Variants in RTKN observed in about 807,000 individuals in gnomAD.
The protein encoded by RTKN is rhotekin.
A neutral mutation model predicts 63.5 loss-of-function variants in RTKN; 49 were observed. The ratio of observed to expected loss-of-function variants is 0.77; its 90% CI spans 0.61 to 0.98. The LOEUF is 0.98. Among genes scored for constraint, RTKN ranks in the 50% least tolerant of loss-of-function variants. The pLI, the probability that RTKN is intolerant of heterozygous loss-of-function variation, is 0.00. For synonymous variants in RTKN, 295 were observed against 290.4 expected, an observed-to-expected ratio of 1.02 and a Z score of -0.16; for missense variants, 685 against 740.8, an observed-to-expected ratio of 0.92 and a Z score of 0.87.
intron 2 of RTKN, chr2:74,430,902 T>A (rs930060667): frequency 1.8e-6 from 1 of 568,810 alleles, no homozygotes; most frequent in African/African-American, 1.9e-5. Context: ...AACTCACACA[T>A]AAGGCACAAG....
chr2:74,427,630 G>T, intron 9 of RTKN, 38 bp from the exon 10 acceptor site: 1 of 1,593,764 alleles, frequency 6.3e-7, no homozygotes, highest in Non-Finnish European at 8.5e-7. Context: ...GGTCACAGAA[G>T]TTGGCAGTGA....
chr2:74,434,142 A>G (rs1408299569), intron 1 of RTKN, among the ~76,000 whole-genome samples: 1 of 151,392 alleles, frequency 6.6e-6, no homozygotes, highest in East Asian at 1.9e-4. Flanking sequence ...TCACTCTGTC[A>G]CCCAAGCTGG....
chr2:74,432,058 C>T (rs1214108469), intron 2 of RTKN: 3 of 323,096 alleles, frequency 9.3e-6, no homozygotes, highest in South Asian at 2.6e-5. Flanking sequence ...CACTCCCTGC[C>T]TCTGAAGGTG....
chr2:74,438,088 T>C (rs1572901331), intron 1 of RTKN, among the ~76,000 whole-genome samples: 1 of 152,050 alleles, frequency 6.6e-6, no homozygotes, highest in Admixed American at 6.6e-5. Context: ...ACATACAATA[T>C]CCTGCCATTC....
At position 74,436,161 on chromosome 2, in the gene RTKN, G is replaced by A. The variant is rs1166479871; in HGVS notation, c.112-3495C>T. Reference sequence around the variant, plus strand: ...GGAGGTGTCCTCAACCCCCATCTTGGCTAGTCTCATCCCAGTCCCAGCACT... The same window carrying A: ...GGAGGTGTCCTCAACCCCCATCTTGACTAGTCTCATCCCAGTCCCAGCACT... On this transcript the variant is annotated intron_variant, in intron 1 of 11. Coordinates refer to ENST00000272430, the MANE Select transcript of RTKN (RefSeq NM_001015055.2). This position sits in a 1 kb window ranked among gnomAD's most constrained non-coding sequence, Gnocchi z 4.3. Among the ~76,000 whole-genome samples the A allele has an allele frequency of 1.3e-5, 2 of 152,204 alleles. No individual in the cohort carries two copies. Among genetic ancestry groups the A allele is most frequent in the African/African-American group, 4.8e-5 (2 of 41,456 alleles).
Position 74,428,920 on chromosome 2 carries a change from C to T in RTKN, c.778G>A (p.Ala260Thr), listed in dbSNP as rs1670581754. 6.2e-7 allele frequency: 1 copy of T among 1,613,906 alleles called. No individual in the cohort carries two copies. The highest frequency in any genetic ancestry group is 1.1e-5 in the South Asian group (1 of 91,074). The change falls in exon 7 of 12, where the codon GCT becomes ACT. Residue 260 changes from alanine (A) to threonine (T), a missense_variant. Physicochemically the swap from Ala to Thr is moderately conservative, Grantham distance 58. Transcript: ENST00000272430. The stretch of plus-strand genomic sequence containing the variant: ...GCTGCCAGGGTGAGTGTGGTGTGAG[C>T]CAAGAGGTGGTAACGAGGACCACTG... ...VVGGPRYHLL[A>T]HTTLTLAAVQ...
chr2:74,439,871 A>C (rs749853675), intron 1 of RTKN: 4 of 1,338,266 alleles, frequency 3.0e-6, no homozygotes, highest in Non-Finnish European at 1.9e-6. Flanking sequence ...GGGAAGAAAA[A>C]GAAAGCGAAG....
chr2:74,428,821 A>C, intron 7 of RTKN, 27 bp downstream of exon 7: 2 of 1,602,902 alleles, frequency 1.2e-6, no homozygotes, highest in South Asian at 2.2e-5. Flanking sequence ...TCACATGTGT[A>C]TGTCCCCCAT....
Position 74,428,960 on chromosome 2 carries a change from G to A in RTKN, c.756-18C>T, listed in dbSNP as rs372785362. 3 of 1,603,516 alleles carry A rather than the reference G, an allele frequency of 1.9e-6. No individual in the cohort carries two copies. Among genetic ancestry groups the A allele is most frequent in the African/African-American group, 2.7e-5 (2 of 74,698 alleles). ...GAGGACCACTGAGGGAGATAGGAGAGAGCATCAGCCAAGGGAGGGGCATGT... is the reference window on the plus strand; with the variant it reads ...GAGGACCACTGAGGGAGATAGGAGAAAGCATCAGCCAAGGGAGGGGCATGT... On this transcript the variant is annotated intron_variant, in intron 6 of 11. Transcript: ENST00000272430.
At chr2:74,440,002 T>G in intron 1 of RTKN, 1 of 1,067,108 alleles carries the variant, frequency 9.4e-7, no homozygotes, top group Non-Finnish European at 1.1e-6. Flanking sequence ...GGCCCTTTCA[T>G]TCCGACTCTG....
Position 74,425,887 on chromosome 2 carries a change from G to A in RTKN, c.*356C>T. On this transcript the variant is annotated 3_prime_UTR_variant, in exon 12 of 12. Coordinates refer to ENST00000272430, the MANE Select transcript of RTKN (RefSeq NM_001015055.2). ...CCTCAGGAGCCAGGTGAAGGCTGCT[G>A]TTAAATAACTTTAATGGTTGATGTG... 1 of 953,134 alleles carries A rather than the reference G, an allele frequency of 1.0e-6. No individual in the cohort carries two copies. Among genetic ancestry groups the A allele is most frequent in the Non-Finnish European group, 1.5e-6 (1 of 653,536 alleles). The allele number at this position is 953,134 out of a possible 1,614,324, so 59.0% of individuals were successfully genotyped here.
At chr2:74,429,763 G>T in intron 6 of RTKN, 65 bp downstream of exon 6, 1 of 1,488,134 alleles carries the variant, frequency 6.7e-7, no homozygotes, top group Non-Finnish European at 9.3e-7. Context: ...ACTCAACACA[G>T]TTCAAAGGTC....
rs1670415384 is a variant in RTKN at position 74,426,691 on chromosome 2, T to G, written c.1361-117A>C. The G allele has an allele frequency of 3.5e-6, 5 of 1,423,314 alleles. No homozygotes were observed. In the East Asian group the frequency reaches 1.3e-4, roughly 37 times the overall value. 88.2% of individuals were successfully genotyped at this position (1,423,314 alleles called of 1,614,324 possible). On this transcript the variant is annotated intron_variant, in intron 11 of 11. Coordinates refer to ENST00000272430, the MANE Select transcript of RTKN (RefSeq NM_001015055.2). ...GAGGAAAGCAAAGCCTGGATCTCAG[T>G]GGAGATTGCGTTATCCTGCAGGAGC...
intron 6 of RTKN, among the ~76,000 whole-genome samples, chr2:74,429,416 C>T (rs1031785496): frequency 3.3e-5 from 5 of 152,174 alleles, no homozygotes; most frequent in African/African-American, 9.7e-5. Context: ...AGAAGCTCTG[C>T]TCTATCCACA....
rs368296022 is a variant in RTKN at position 74,429,822 on chromosome 2, C to T, written c.755+6G>A. ...CTGAGGGTGGTGTCGGTGTGCAAGGCCTTACCCAACAACTGGGGTGGGGAG... is the reference window on the plus strand; with the variant it reads ...CTGAGGGTGGTGTCGGTGTGCAAGGTCTTACCCAACAACTGGGGTGGGGAG... On this transcript the variant is annotated splice_donor_region_variant and intron_variant, in intron 6 of 11. Coordinates refer to ENST00000272430, the MANE Select transcript of RTKN (RefSeq NM_001015055.2). 6.2e-6 allele frequency: 10 copies of T among 1,612,560 alleles called. No homozygotes were observed. The highest frequency in any genetic ancestry group is 8.5e-6 in the Non-Finnish European group (10 of 1,179,424).
intron 1 of RTKN, among the ~76,000 whole-genome samples, chr2:74,435,872 T>C (rs1671026858): frequency 6.6e-6 from 1 of 152,226 alleles, no homozygotes; most frequent in Non-Finnish European, 1.5e-5. Context: ...TGCCTACAGA[T>C]GCTTCCTTGG....
intron 8 of RTKN, 40 bp from the exon 9 acceptor site, chr2:74,428,436 C>G (rs1397049201): frequency 6.2e-7 from 1 of 1,613,768 alleles, no homozygotes; most frequent in African/African-American, 1.3e-5. Context: ...AAGTCACGGC[C>G]CCCAGTATCC....
chr2:74,440,107 C>T, intron 1 of RTKN: 1 of 600,316 alleles, frequency 1.7e-6, no homozygotes, highest in Non-Finnish European at 2.1e-6. Flanking sequence ...TGGAAGGGGG[C>T]AGGGAAACGA....
chr2:74,430,175 C>T, intron 5 of RTKN, 77 bp downstream of exon 5: 1 of 1,536,188 alleles, frequency 6.5e-7, no homozygotes, highest in South Asian at 1.1e-5. Context: ...CCCATCCCAG[C>T]TTCCTCCCCT....
Sources: allele counts gnomAD v4.1 joint callset (sites outside exome capture counted in the v4.1 genomes callset), GRCh38; gene constraint gnomAD v4.1.1; non-coding constraint Gnocchi (gnomAD v3.1); transcripts MANE v1.5; gene names NCBI Gene and HGNC (gene_info 2026-07-23, HGNC 2026-07-21).